NDUFAF5: variants seen among roughly 807,000 people sequenced by gnomAD.
The protein encoded by NDUFAF5 is arginine-hydroxylase NDUFAF5, mitochondrial.
NDUFAF5 carries 34 observed loss-of-function variants against 48.9 expected under a neutral mutation model. The ratio of observed to expected loss-of-function variants is 0.70; its 90% CI spans 0.53 to 0.93. NDUFAF5 has a LOEUF of 0.93. Among genes scored for constraint, NDUFAF5 ranks in the 40% least tolerant of loss-of-function variants. The pLI, the probability that NDUFAF5 is intolerant of heterozygous loss-of-function variation, is 0.00. For missense variants in NDUFAF5, 428 were observed against 427.5 expected (o/e 1.00, Z -0.01); for synonymous variants, 153 against 150.6 (o/e 1.02, Z -0.12).
At chr20:13,786,341 A>G (rs1233631821) in intron 1 of NDUFAF5, among the ~76,000 whole-genome samples, 1 of 152,122 alleles carries the variant, frequency 6.6e-6, no homozygotes, top group Non-Finnish European at 1.5e-5. Context: ...TTTGTGTCTC[A>G]CTTGTAAGGC....
rs1253438412 is a variant in NDUFAF5, at chr20:13,785,173, C to T, written c.105C>T (p.Pro35=). 6.2e-7 allele frequency: 1 copy of T among 1,613,912 alleles called. No individual in the cohort carries two copies. Among genetic ancestry groups the T allele is most frequent in the Non-Finnish European group, 8.5e-7 (1 of 1,179,940 alleles). ...GGGAAGTCACCTCTGGTGTCTCTCC[C>T]CGCGGTAGCACCTCGCCCAGAACCC... ...GRREVTSGVS[P]RGSTSPRTLN... Residue 35 remains proline, a synonymous_variant, in exon 1 of 11, where the codon CCC becomes CCT. Coordinates refer to ENST00000378106, the MANE Select transcript of NDUFAF5 (RefSeq NM_024120.5).
intron 7 of NDUFAF5, chr20:13,803,300 A>G (rs779176943): frequency 2.0e-5 from 3 of 152,194 alleles, no homozygotes; most frequent in Non-Finnish European, 2.9e-5. Context: ...GTTAACTTTT[A>G]AATGGCCTGA....
In NDUFAF5 at chr20:13,817,506, C is replaced by A. The variant is rs763349128; in HGVS notation, c.*296C>A. ...TATGTAAATGCCTTGGAAAATATTA[C>A]TCATGCTGACCTTTTACACCTTTTT... On this transcript the variant is annotated 3_prime_UTR_variant, in exon 11 of 11. Transcript: ENST00000378106. 3.9e-6 allele frequency: 2 copies of A among 515,810 alleles called. No homozygotes were observed. Among genetic ancestry groups the A allele is most frequent in the South Asian group, 3.1e-5 (2 of 65,064 alleles). The allele number at this position is 515,810 out of a possible 1,614,324, so 32.0% of individuals were successfully genotyped here.
In NDUFAF5 at chr20:13,785,089, C is replaced by T. The variant is rs528835623; in HGVS notation, c.21C>T (p.Leu7=). 1.2e-6 allele frequency: 2 copies of T among 1,612,782 alleles called. No homozygotes were observed. Among genetic ancestry groups the T allele is most frequent in the South Asian group, 1.1e-5 (1 of 91,020 alleles). MLRPAG[L]WRLCRRPWAA... ...TGGAGATGCTGCGGCCGGCAGGGCT[C>T]TGGCGCTTATGTCGGCGACCTTGGG... is the stretch of plus-strand genomic sequence containing the variant. Residue 7 remains leucine, a synonymous_variant, in exon 1 of 11, where the codon CTC becomes CTT. Coordinates refer to ENST00000378106, the MANE Select transcript of NDUFAF5 (RefSeq NM_024120.5).
chr20:13,807,863 C>T (rs1051463281), intron 7 of NDUFAF5, among the ~76,000 whole-genome samples: 5 of 151,978 alleles, frequency 3.3e-5, no homozygotes, highest in South Asian at 4.2e-4. Flanking sequence ...GCACAAGAAT[C>T]GCTTGAGTTC....
chr20:13,801,704 AC>A (rs746659625), intron 7 of NDUFAF5, 21 bp downstream of exon 7: 3 of 1,596,074 alleles, frequency 1.9e-6, no homozygotes. Flanking sequence ...AGTTCGATTA[AC>A]CCATAACTTA....
Position 13,820,241 on chromosome 20 carries a change from C to T in NDUFAF5, c.*3031C>T, listed in dbSNP as rs941359233. The T allele has an allele frequency of 1.3e-5, 2 of 152,176 alleles. No individual in the cohort carries two copies. The highest frequency in any genetic ancestry group is 2.9e-5 in the Non-Finnish European group (2 of 68,034). The allele number at this position is 152,176 out of a possible 1,614,324, so 9.4% of individuals were successfully genotyped here. ...TAGGATTTATTGAGATGTAAGCTAC[C>T]TATATACATCAAGTATGTGATATGA... On this transcript the variant is annotated 3_prime_UTR_variant, in exon 11 of 11. Coordinates refer to ENST00000378106, the MANE Select transcript of NDUFAF5 (RefSeq NM_024120.5).
At chr20:13,795,371 A>G (rs1052992812) in intron 5 of NDUFAF5, among the ~76,000 whole-genome samples, 36 of 152,176 alleles carry the variant, frequency 2.4e-4, no homozygotes, top group African/African-American at 8.7e-4. Flanking sequence ...GGGGGAAAAA[A>G]AAGTTGAGGC....
At chr20:13,812,072 G>A (rs1016982177) in intron 8 of NDUFAF5, among the ~76,000 whole-genome samples, 1 of 152,206 alleles carries the variant, frequency 6.6e-6, no homozygotes, top group African/African-American at 2.4e-5. Context: ...ACAGTTACCT[G>A]TCAAGTGGCA....
rs894164297 is a variant in NDUFAF5, at chr20:13,817,746, G to C, written c.*536G>C. On this transcript the variant is annotated 3_prime_UTR_variant, in exon 11 of 11. Coordinates refer to ENST00000378106, the MANE Select transcript of NDUFAF5 (RefSeq NM_024120.5). ...GTTTTACACCCCACCCTACCTTAGG[G>C]AAGAAGAAAACATTTTAAAGAATAC... 2 of 453,936 alleles carry C rather than the reference G, an allele frequency of 4.4e-6. No individual in the cohort carries two copies. Among genetic ancestry groups the C allele is most frequent in the African/African-American group, 2.0e-5 (1 of 49,964 alleles). The allele number at this position is 453,936 out of a possible 1,614,324, so 28.1% of individuals were successfully genotyped here.
At chr20:13,805,651 C>T (rs981520586) in intron 7 of NDUFAF5, among the ~76,000 whole-genome samples, 7 of 152,062 alleles carry the variant, frequency 4.6e-5, no homozygotes, top group African/African-American at 1.7e-4. Context: ...ATTAATATTG[C>T]GTCCTGGCCA....
intron 7 of NDUFAF5, 122 bp from the exon 8 acceptor site, chr20:13,808,720 T>C (rs1485401473): frequency 4.6e-6 from 3 of 653,164 alleles, no homozygotes; most frequent in Non-Finnish European, 8.1e-6. Context: ...CTATGAAGAA[T>C]ATTGTAAATA....
chr20:13,798,173 CTT>C (rs1983535923), intron 5 of NDUFAF5, among the ~76,000 whole-genome samples: 1 of 152,144 alleles, frequency 6.6e-6, no homozygotes, highest in Non-Finnish European at 1.5e-5. Context: ...GTAGGAATGA[CTT>C]TTACATAATT....
rs953834891 is a variant in NDUFAF5 at position 13,819,701 on chromosome 20, C to G, written c.*2491C>G. 3.3e-5 allele frequency: 5 copies of G among 152,184 alleles called. No individual in the cohort carries two copies. The highest frequency in any genetic ancestry group is 1.2e-4 in the African/African-American group (5 of 41,450). The allele number at this position is 152,184 out of a possible 1,614,324, so 9.4% of individuals were successfully genotyped here. On this transcript the variant is annotated 3_prime_UTR_variant, in exon 11 of 11. Coordinates refer to ENST00000378106, the MANE Select transcript of NDUFAF5 (RefSeq NM_024120.5). ...TTCTTGATAACCCCACAGATAATAT[C>G]ATAAACTCAAGTTGTCTGTATTGCT... is the stretch of plus-strand genomic sequence containing the variant.
chr20:13,788,308 T>C (rs1301023591), intron 2 of NDUFAF5, among the ~76,000 whole-genome samples: 3 of 152,262 alleles, frequency 2.0e-5, no homozygotes, highest in Non-Finnish European at 4.4e-5. Context: ...GGATGTATTA[T>C]TGAGTTAAAA....
intron 5 of NDUFAF5, among the ~76,000 whole-genome samples, chr20:13,798,019 A>T (rs904593121): frequency 3.3e-5 from 5 of 152,216 alleles, no homozygotes; most frequent in Admixed American, 6.5e-5. Context: ...AGATCTGCAG[A>T]TAATTTTTTT....
intron 6 of NDUFAF5, among the ~76,000 whole-genome samples, chr20:13,800,028 AT>A (rs1187561362): frequency 6.6e-6 from 1 of 152,128 alleles, no homozygotes; most frequent in African/African-American, 2.4e-5. Flanking sequence ...TGATAAATAG[AT>A]GTTTTCCTTG....
Position 13,808,838 on chromosome 20 carries a change from A to G in NDUFAF5, c.718-4A>G, listed in dbSNP as rs1444429324. 1.9e-6 allele frequency: 3 copies of G among 1,548,346 alleles called. No homozygotes were observed. The highest frequency in any genetic ancestry group is 1.7e-5 in the Admixed American group (1 of 59,884). ...AATGAATATTTCTTTTTCTTTTTAAATAGGACACTGATGAAATTCAAGTTA... is the reference window on the plus strand; with the variant it reads ...AATGAATATTTCTTTTTCTTTTTAAGTAGGACACTGATGAAATTCAAGTTA... On this transcript the variant is annotated splice_polypyrimidine_tract_variant and splice_region_variant and intron_variant, in intron 7 of 10. Transcript: ENST00000378106.
chr20:13,786,630 T>C (rs1391385613), intron 1 of NDUFAF5, among the ~76,000 whole-genome samples: 1 of 152,208 alleles, frequency 6.6e-6, no homozygotes, highest in Non-Finnish European at 1.5e-5. Context: ...TTTGGAACTT[T>C]TAAGTCCTAA....
Sources: gnomAD v4.1 joint callset for allele counts (sites outside exome capture counted in the v4.1 genomes callset) on GRCh38, gnomAD v4.1.1 for gene constraint, MANE v1.5 for transcripts, NCBI Gene and HGNC (gene_info 2026-07-23, HGNC 2026-07-21) for gene names.